The following NRXN1 variants were observed in gnomAD, a reference collection of about 807,000 sequenced individuals.
NRXN1 encodes neurexin-1.
A neutral mutation model predicts 150.9 loss-of-function variants in NRXN1; 39 were observed. The ratio of observed to expected loss-of-function variants is 0.26; its 90% CI spans 0.20 to 0.34. The LOEUF (loss-of-function observed/expected upper bound fraction) is 0.34. Ranked by LOEUF, NRXN1 falls within the 10% of genes least tolerant of loss-of-function variation. The probability of loss-of-function intolerance (pLI) is 1.00; values close to 1 mark genes in which losing one functional copy is unlikely to be tolerated. For missense variants in NRXN1, 1,815 were observed against 1,949.9 expected (o/e 0.93, Z 1.30); for synonymous variants, 924 against 757.0 (o/e 1.22, Z -3.62).
chr2:50,503,031 G>T (rs1370388841), intron 13 of NRXN1, among the ~76,000 whole-genome samples: 1 of 152,112 alleles, frequency 6.6e-6, no homozygotes, highest in Non-Finnish European at 1.5e-5. Flanking sequence ...AAAAGGGCCA[G>T]GCACGGTGGC....
chr2:49,974,720 G>C (rs986374743), intron 21 of NRXN1, among the ~76,000 whole-genome samples: 5 of 149,644 alleles, frequency 3.3e-5, no homozygotes, highest in Admixed American at 2.7e-4. Context: ...AGTTTGTAAA[G>C]ACAATTATGC....
intron 18 of NRXN1, among the ~76,000 whole-genome samples, chr2:50,224,693 AAGAGAGAGAG>A (rs201700032): frequency 0.24 from 30,750 of 130,236 alleles, 3,837 homozygotes; most frequent in Non-Finnish European, 0.31. Flanking sequence ...GAGAGGGAGA[AAGAGAGAGAG>A]AGAGAGAGAG....
intron 2 of NRXN1, among the ~76,000 whole-genome samples, chr2:50,993,993 A>G (rs1698916330): frequency 6.6e-6 from 1 of 151,980 alleles, no homozygotes; most frequent in African/African-American, 2.4e-5. Context: ...TTCCATTCCC[A>G]AAATACACAC....
intron 21 of NRXN1, among the ~76,000 whole-genome samples, chr2:49,945,697 T>G (rs1459988408): frequency 6.6e-6 from 1 of 152,144 alleles, no homozygotes; most frequent in African/African-American, 2.4e-5. Flanking sequence ...TTCATCCATG[T>G]CCCTACAAGG....
intron 17 of NRXN1, among the ~76,000 whole-genome samples, chr2:50,241,813 C>A (rs2066025020): frequency 6.6e-6 from 1 of 151,756 alleles, no homozygotes; most frequent in Non-Finnish European, 1.5e-5. Context: ...CTGTCCCTTG[C>A]CTAAGTGTGC....
At chr2:50,165,924 C>T (rs1427568438) in intron 18 of NRXN1, among the ~76,000 whole-genome samples, 1 of 152,056 alleles carries the variant, frequency 6.6e-6, no homozygotes, top group East Asian at 1.9e-4. Flanking sequence ...GTGTATTCTC[C>T]AGGTGTGCTA....
intron 5 of NRXN1, among the ~76,000 whole-genome samples, chr2:50,853,531 T>C (rs1479036070): frequency 6.6e-6 from 1 of 152,116 alleles, no homozygotes; most frequent in African/African-American, 2.4e-5. Context: ...TCTTTTGTAG[T>C]AACATTTCTA....
At chr2:50,578,741 T>A (rs1671808036) in intron 8 of NRXN1, among the ~76,000 whole-genome samples, 1 of 152,008 alleles carries the variant, frequency 6.6e-6, no homozygotes, top group African/African-American at 2.4e-5. Context: ...CTTTTTAATT[T>A]ATATTCTAGA....
chr2:50,765,819 A>G (rs1253949413), intron 5 of NRXN1, among the ~76,000 whole-genome samples: 4 of 152,074 alleles, frequency 2.6e-5, no homozygotes, highest in Non-Finnish European at 5.9e-5. Flanking sequence ...CAGAAGCTCA[A>G]CAGAGCTGAA....
At chr2:50,171,211 T>A (rs1056792754) in intron 18 of NRXN1, among the ~76,000 whole-genome samples, 3 of 150,478 alleles carry the variant, frequency 2.0e-5, no homozygotes, top group African/African-American at 7.4e-5. Context: ...CCTGTACAGT[T>A]CAATCCTGTA....
chr2:50,171,293 T>C (rs1463795249), intron 18 of NRXN1, among the ~76,000 whole-genome samples: 1 of 152,008 alleles, frequency 6.6e-6, no homozygotes, highest in African/African-American at 2.4e-5. Flanking sequence ...TATATATATA[T>C]TTGCAATTGA....
rs1388095672 is a variant in NRXN1, at chr2:50,497,419, GA to G, written c.2792del (p.Phe931SerfsTer8). 1.2e-6 allele frequency: 2 copies of G among 1,609,994 alleles called. No homozygotes were observed. Among genetic ancestry groups the G allele is most frequent in the East Asian group, 2.2e-5 (1 of 44,828 alleles). On this transcript the variant is annotated frameshift_variant, in exon 14 of 23. Transcript: ENST00000401669. LOFTEE classifies it high-confidence loss of function. Reference protein sequence around the residue: ...LQAYTSMHLFFQFKTTSLDGL... With the variant: ...LQAYTSMHLFXQFKTTSLDGL... ...CATCTAGGGATGTTGTCTTGAACTG[GA>G]AAAAAAGATGCATAGAAGTGTAGGC...
At chr2:50,918,766 A>G in intron 5 of NRXN1, 1 of 304,972 alleles carries the variant, frequency 3.3e-6, no homozygotes, top group East Asian at 4.4e-5. Context: ...ATAAACCTAA[A>G]TTCTAAATAG....
chr2:50,038,387 T>C (rs1466389798), intron 21 of NRXN1, among the ~76,000 whole-genome samples: 1 of 152,194 alleles, frequency 6.6e-6, no homozygotes, highest in Non-Finnish European at 1.5e-5. Context: ...CTCTCATCTG[T>C]CCTGGAAGAA....
chr2:50,569,024 A>C (rs1011477449), intron 8 of NRXN1, among the ~76,000 whole-genome samples: 1 of 152,166 alleles, frequency 6.6e-6, no homozygotes, highest in African/African-American at 2.4e-5. Context: ...CATATTGTTA[A>C]GTGAAATAAG....
chr2:50,249,292 CTT>C (rs2066818155), intron 17 of NRXN1, among the ~76,000 whole-genome samples: 1 of 152,154 alleles, frequency 6.6e-6, no homozygotes, highest in East Asian at 1.9e-4. Flanking sequence ...TGAGAGATCA[CTT>C]TTAGATTTCT....
At chr2:50,367,111 T>C (rs1214775881) in intron 17 of NRXN1, among the ~76,000 whole-genome samples, 1 of 151,982 alleles carries the variant, frequency 6.6e-6, no homozygotes, top group Non-Finnish European at 1.5e-5. Flanking sequence ...AGATGCATTT[T>C]AGGAAAGTTA....
chr2:50,984,267 G>T (rs890116440), intron 2 of NRXN1, among the ~76,000 whole-genome samples: 6 of 149,776 alleles, frequency 4.0e-5, no homozygotes, highest in Non-Finnish European at 8.9e-5. Flanking sequence ...TTACAGGCAT[G>T]AGCCACCAGA....
intron 18 of NRXN1, among the ~76,000 whole-genome samples, chr2:50,149,775 C>G (rs2058590103): frequency 6.6e-6 from 1 of 151,452 alleles, no homozygotes; most frequent in African/African-American, 2.4e-5. Context: ...GGATTCTGTG[C>G]TTTCATCTTT....
Sources: allele counts gnomAD v4.1 joint callset (sites outside exome capture counted in the v4.1 genomes callset), GRCh38; gene constraint gnomAD v4.1.1; transcripts MANE v1.5; gene names NCBI Gene and HGNC (gene_info 2026-07-23, HGNC 2026-07-21).